Variants in PPP2R5C observed in about 807,000 individuals in gnomAD.
The protein encoded by PPP2R5C is protein phosphatase 2 regulatory subunit B'gamma, also known as serine/threonine-protein phosphatase 2A 56 kDa regulatory subunit gamma isoform.
A neutral mutation model predicts 68.9 loss-of-function variants in PPP2R5C; 7 were observed. The ratio of observed to expected loss-of-function variants is 0.10; its 90% CI spans 0.06 to 0.19. The LOEUF (loss-of-function observed/expected upper bound fraction) is 0.19, where lower values mean the gene tolerates loss of function less well. PPP2R5C is among the 10% of genes least tolerant of loss of function. The probability of loss-of-function intolerance (pLI) is 1.00; values close to 1 mark genes in which losing one functional copy is unlikely to be tolerated. For synonymous variants in PPP2R5C, 210 were observed against 222.2 expected (o/e 0.95, Z 0.49); for missense variants, 348 against 641.3 (o/e 0.54, Z 4.94).
Position 101,873,549 on chromosome 14 carries a change from G to T in PPP2R5C, c.295-8612G>T, listed in dbSNP as rs115306142. The stretch of plus-strand genomic sequence containing the variant: ...ATTATGAATTTTTCCCATCTGGTTG[G>T]TGGGAACAGACACTGTTCCCAGCCC... On this transcript the variant is annotated intron_variant, in intron 2 of 13. Transcript: ENST00000334743. Among the ~76,000 whole-genome samples the T allele has an allele frequency of 2.0e-5, 3 of 152,208 alleles. No individual in the cohort carries two copies. The South Asian group carries it at 6.2e-4, about 32-fold the overall frequency.
upstream of PPP2R5C, among the ~76,000 whole-genome samples, chr14:101,806,610 G>T (rs2039089843): frequency 6.6e-6 from 1 of 152,084 alleles, no homozygotes; most frequent in South Asian, 2.1e-4. Context: ...TTAACTCCTT[G>T]TATTTATAGC....
At chr14:101,892,811 G>A (rs755978738) in intron 6 of PPP2R5C, among the ~76,000 whole-genome samples, 189 bp from the exon 9 acceptor site, 21 of 151,984 alleles carry the variant, frequency 1.4e-4, no homozygotes, top group Admixed American at 3.3e-4. Flanking sequence ...CTCGAACTCC[G>A]GGTTCAGATG....
In PPP2R5C at chr14:101,924,545, C is replaced by G. The variant is rs546557063; in HGVS notation, c.1444-596C>G. 3.3e-5 allele frequency among the ~76,000 whole-genome samples: 5 copies of G among 150,802 alleles called. No homozygotes were observed. In the South Asian group the frequency reaches 8.5e-4, roughly 26 times the overall value. On this transcript the variant is annotated intron_variant, in intron 13 of 13. Transcript: ENST00000334743. ...GCAACCTCCACCTCACGGGTTCAAG[C>G]GATTCTCCTGCCCCAGCCTTTCAAG...
chr14:101,762,055 G>C (rs2036572125), intron 1 of PPP2R5C, 135 bp downstream of exon 1: 1 of 958,598 alleles, frequency 1.0e-6, no homozygotes, highest in Non-Finnish European at 1.3e-6. Context: ...GTCCCCGAGG[G>C]CGGCCGAGCC....
intron 9 of PPP2R5C, among the ~76,000 whole-genome samples, chr14:101,902,537 A>G (rs1033497181): frequency 6.6e-6 from 1 of 152,106 alleles, no homozygotes; most frequent in African/African-American, 2.4e-5. Flanking sequence ...TTTATTGTGC[A>G]CTCATCATGA....
chr14:101,917,717 C>G lies in PPP2R5C; in HGVS notation c.1327-114C>G. 1 of 1,467,298 alleles carries G rather than the reference C, an allele frequency of 6.8e-7. No individual in the cohort carries two copies. The highest frequency in any genetic ancestry group is 1.3e-5 in the South Asian group (1 of 78,238). 90.9% of individuals were successfully genotyped at this position (1,467,298 alleles called of 1,614,324 possible). On this transcript the variant is annotated intron_variant, in intron 12 of 13. Coordinates refer to ENST00000334743, the Ensembl canonical transcript of PPP2R5C. This position sits in a 1 kb window ranked among gnomAD's most constrained non-coding sequence, Gnocchi z 4.4. ...GCGAGTCTCCCACTGAGTGGGCTTCCTGCGGGAGAGGGCCCTGGGGGGCGG... is the reference window on the plus strand; with the variant it reads ...GCGAGTCTCCCACTGAGTGGGCTTCGTGCGGGAGAGGGCCCTGGGGGGCGG...
At chr14:101,826,381 C>G (rs1481004730) in intron 1 of PPP2R5C, among the ~76,000 whole-genome samples, 1 of 152,110 alleles carries the variant, frequency 6.6e-6, no homozygotes, top group Admixed American at 6.5e-5. Context: ...TTCCCAGAAC[C>G]ATTTGTTGAA....
intron 2 of PPP2R5C, among the ~76,000 whole-genome samples, chr14:101,857,413 A>G (rs2042485496): frequency 6.6e-6 from 1 of 152,152 alleles, no homozygotes; most frequent in African/African-American, 2.4e-5. Flanking sequence ...TTGGCTGAGA[A>G]GGCCGCCACC....
At chr14:101,768,561 G>A (rs1304720260) in intron 2 of PPP2R5C, among the ~76,000 whole-genome samples, 1 of 151,860 alleles carries the variant, frequency 6.6e-6, no homozygotes, top group Non-Finnish European at 1.5e-5. Context: ...CTCTGTTTTT[G>A]CTAATCTGTT....
At chr14:101,798,316 A>T (rs923801000) in intron 3 of PPP2R5C, among the ~76,000 whole-genome samples, 32 of 152,350 alleles carry the variant, frequency 2.1e-4, no homozygotes, top group African/African-American at 7.7e-4. Flanking sequence ...GGAGAGCCTT[A>T]AAAAATAAAA....
chr14:101,785,940 A>G, intron 2 of PPP2R5C, 78 bp from the exon 3 acceptor site: 2 of 1,305,478 alleles, frequency 1.5e-6, no homozygotes, highest in Middle Eastern at 2.8e-4. Context: ...ACTCATGTAT[A>G]TGTTTTTCTA....
intron 2 of PPP2R5C, among the ~76,000 whole-genome samples, chr14:101,870,713 A>G (rs1211464684): frequency 6.6e-6 from 1 of 152,238 alleles, no homozygotes; most frequent in Non-Finnish European, 1.5e-5. Flanking sequence ...CATGCAGTGA[A>G]CATGTAGACT....
chr14:101,911,387 G>A (rs974444049), intron 11 of PPP2R5C, among the ~76,000 whole-genome samples: 11 of 152,230 alleles, frequency 7.2e-5, no homozygotes, highest in Non-Finnish European at 1.2e-4. Context: ...AAGTCAGTCA[G>A]GAAAGGGCCG....
chr14:101,773,706 G>C (rs1321504814), intron 2 of PPP2R5C, among the ~76,000 whole-genome samples: 3 of 152,042 alleles, frequency 2.0e-5, no homozygotes, highest in Non-Finnish European at 4.4e-5. Flanking sequence ...TTGGGGTTTT[G>C]TTTTTAGAGA....
chr14:101,891,607 C>T lies in PPP2R5C; in HGVS notation c.689+1311C>T, dbSNP rs576347103. Among the ~76,000 whole-genome samples, 4 of 152,276 alleles carry T rather than the reference C, an allele frequency of 2.6e-5. No homozygotes were observed. Among genetic ancestry groups the T allele is most frequent in the East Asian group, 3.9e-4 (2 of 5,174 alleles). On this transcript the variant is annotated intron_variant, in intron 6 of 13. Transcript: ENST00000334743. This position sits in a 1 kb window ranked among gnomAD's most constrained non-coding sequence, Gnocchi z 4.9. Reference sequence around the variant, plus strand: ...CGCCATGCCGTGTGCGTAGGGCCCCCGTGTGCATAGGGCCGCCGGGCAGCT... The same window carrying T: ...CGCCATGCCGTGTGCGTAGGGCCCCTGTGTGCATAGGGCCGCCGGGCAGCT...
At chr14:101,785,284 A>G (rs936751326) in intron 2 of PPP2R5C, among the ~76,000 whole-genome samples, 3 of 152,166 alleles carry the variant, frequency 2.0e-5, no homozygotes, top group Non-Finnish European at 4.4e-5. Context: ...GCACCACTGT[A>G]CAAGTTACAC....
Position 101,797,473 on chromosome 14 carries a change from C to A in PPP2R5C, c.259+11290C>A. The A allele has an allele frequency of 2.9e-6, 1 of 346,234 alleles. No individual in the cohort carries two copies. Among genetic ancestry groups the A allele is most frequent in the Non-Finnish European group, 5.8e-6 (1 of 172,676 alleles). The allele number at this position is 346,234 out of a possible 1,614,324, so 21.4% of individuals were successfully genotyped here. On this transcript the variant is annotated intron_variant, in intron 3 of 14. Coordinates refer to the PPP2R5C transcript ENST00000328724. The surrounding 1 kb of genome is among the most constrained non-coding windows in gnomAD (Gnocchi z 4.2). ...TGAAGGAATGAAAAGCCCTCCTGGC[C>A]CCTCTGCCCTCTTTCTCCACCCTCT...
intron 13 of PPP2R5C, among the ~76,000 whole-genome samples, chr14:101,924,168 T>G (rs1006076104): frequency 6.6e-6 from 1 of 152,224 alleles, no homozygotes; most frequent in Non-Finnish European, 1.5e-5. Context: ...ACTTTTAAAC[T>G]GAATTATGTG....
chr14:101,889,889 G>A, intron 5 of PPP2R5C: 3 of 451,358 alleles, frequency 6.6e-6, no homozygotes, highest in South Asian at 3.3e-5. Context: ...ATGAACAGAT[G>A]TGCGTGTGAT....
Sources: allele counts gnomAD v4.1 joint callset (sites outside exome capture counted in the v4.1 genomes callset), GRCh38; gene constraint gnomAD v4.1.1; non-coding constraint Gnocchi (gnomAD v3.1); transcripts MANE v1.5; gene names NCBI Gene and HGNC (gene_info 2026-07-23, HGNC 2026-07-21).